The following SFXN5 variants were observed in gnomAD, a reference collection of about 807,000 sequenced individuals.
SFXN5 encodes the protein sideroflexin 5.
In SFXN5, 43 loss-of-function variants were observed where a neutral mutation model predicts 50.2. The observed-to-expected ratio is 0.86, with a 90% CI of 0.67 to 1.11. The LOEUF is 1.11. SFXN5 is among the 50% of genes least tolerant of loss of function. The probability of loss-of-function intolerance (pLI) is 0.00; values close to 1 mark genes in which losing one functional copy is unlikely to be tolerated. For synonymous variants in SFXN5, 203 were observed against 185.8 expected, an observed-to-expected ratio of 1.09 and a Z score of -0.75; for missense variants, 463 against 454.1, an observed-to-expected ratio of 1.02 and a Z score of -0.18.
chr2:73,035,493 CTTTTTTTTTTTT>C (rs761321478), intron 3 of SFXN5, among the ~76,000 whole-genome samples: 1 of 101,848 alleles, frequency 9.8e-6, no homozygotes, highest in Admixed American at 1.2e-4. Flanking sequence ...GTATCGCAAT[CTTTTTTTTTTTT>C]TTTTTTTTTT....
At position 72,961,151 on chromosome 2, in the gene SFXN5, G is replaced by A; in HGVS notation, c.925C>T (p.Leu309Phe). 1 of 1,585,056 alleles carries A rather than the reference G, an allele frequency of 6.3e-7. No homozygotes were observed. ...FGLALPLAIS[L>F]FPQMSEIETS... is the part of the protein sequence containing the mutation. The stretch of plus-strand genomic sequence containing the variant: ...CTGACCTCTGACATTTGCGGGAAGA[G>A]GCTGATGGCCAGCGGCAGGGCCAGG... The change falls in exon 13 of 14, where the codon CTC becomes TTC. Residue 309 changes from leucine to phenylalanine, a missense_variant. Leu to Phe is a conservative substitution (Grantham distance 22). Coordinates refer to ENST00000272433, the MANE Select transcript of SFXN5 (RefSeq NM_144579.3). The surrounding 1 kb of genome is among the most constrained non-coding windows in gnomAD (Gnocchi z 4.4).
intron 3 of SFXN5, among the ~76,000 whole-genome samples, chr2:73,026,144 T>C (rs965983668): frequency 4.0e-5 from 6 of 150,250 alleles, no homozygotes; most frequent in African/African-American, 1.5e-4. Context: ...TTTTCTTTTT[T>C]TGAGACAGAG....
At chr2:72,958,937 G>C (rs1673403442) in intron 13 of SFXN5, among the ~76,000 whole-genome samples, 1 of 152,084 alleles carries the variant, frequency 6.6e-6, no homozygotes, top group Admixed American at 6.5e-5. Flanking sequence ...CAAACTCTGG[G>C]GCTCTGGAAG....
At chr2:73,017,021 G>C (rs1437646486) in intron 6 of SFXN5, among the ~76,000 whole-genome samples, 3 of 152,154 alleles carry the variant, frequency 2.0e-5, no homozygotes, top group African/African-American at 7.2e-5. Flanking sequence ...CATTTCTCTA[G>C]CCTAGGAAAG....
intron 3 of SFXN5, among the ~76,000 whole-genome samples, chr2:73,033,950 C>A (rs116749595): frequency 6.6e-6 from 1 of 152,018 alleles, no homozygotes; most frequent in Non-Finnish European, 1.5e-5. Flanking sequence ...GGACAGCCCT[C>A]GCAAAAAAGA....
chr2:72,967,134 C>T (rs1232554034), intron 12 of SFXN5: 1 of 152,234 alleles, frequency 6.6e-6, no homozygotes, highest in Non-Finnish European at 1.5e-5. Context: ...TTCCTCTCCT[C>T]AGCTGTAGAA....
intron 6 of SFXN5, chr2:73,019,554 G>T (rs571030778): frequency 1.3e-5 from 2 of 150,426 alleles, no homozygotes; most frequent in African/African-American, 4.9e-5. Context: ...TCAGCCTTCC[G>T]AGTAGCTGGG....
chr2:73,013,672 C>T (rs1391270688), intron 6 of SFXN5, among the ~76,000 whole-genome samples: 6 of 151,700 alleles, frequency 4.0e-5, no homozygotes, highest in African/African-American at 7.3e-5. Context: ...ATACCTCTCT[C>T]GATATATTTA....
chr2:73,046,705 G>A (rs1680381182), intron 2 of SFXN5, among the ~76,000 whole-genome samples: 1 of 152,088 alleles, frequency 6.6e-6, no homozygotes, highest in Non-Finnish European at 1.5e-5. Context: ...AAAAGTGTAT[G>A]TTCAGTGTCA....
chr2:73,064,168 C>A (rs1683011176), intron 1 of SFXN5, among the ~76,000 whole-genome samples: 1 of 152,174 alleles, frequency 6.6e-6, no homozygotes, highest in Non-Finnish European at 1.5e-5. Flanking sequence ...GGGCAAAGAT[C>A]CCAGAAGAAG....
intron 12 of SFXN5, among the ~76,000 whole-genome samples, chr2:72,962,762 G>T (rs1322513599): frequency 6.6e-6 from 1 of 152,216 alleles, no homozygotes; most frequent in Non-Finnish European, 1.5e-5. Flanking sequence ...TTACCTGCGG[G>T]AAGGTAGGAT....
At chr2:73,066,693 T>A (rs1355021134) in intron 1 of SFXN5, among the ~76,000 whole-genome samples, 1 of 151,556 alleles carries the variant, frequency 6.6e-6, no homozygotes, top group Non-Finnish European at 1.5e-5. Flanking sequence ...AGCGACTGGT[T>A]ACTTGATGAT....
At chr2:73,062,571 G>A (rs934528540) in intron 1 of SFXN5, among the ~76,000 whole-genome samples, 1 of 152,128 alleles carries the variant, frequency 6.6e-6, no homozygotes, top group Non-Finnish European at 1.5e-5. Flanking sequence ...TTCGACCATA[G>A]CTACTGGGGG....
intron 2 of SFXN5, among the ~76,000 whole-genome samples, chr2:73,045,181 T>C (rs1680160960): frequency 6.6e-6 from 1 of 152,156 alleles, no homozygotes; most frequent in Non-Finnish European, 1.5e-5. Context: ...AGGTACTTCC[T>C]TGCCCAAGGT....
At chr2:73,021,718 C>G (rs1476829576) in intron 5 of SFXN5, among the ~76,000 whole-genome samples, 1 of 152,212 alleles carries the variant, frequency 6.6e-6, no homozygotes, top group Non-Finnish European at 1.5e-5. Flanking sequence ...AAGGCAGCAG[C>G]AGCAGTGCCC....
At chr2:73,071,491 AG>A in intron 1 of SFXN5, 112 bp downstream of exon 1, 1 of 942,592 alleles carries the variant, frequency 1.1e-6, no homozygotes. Flanking sequence ...CGCTAGCTGC[AG>A]GCTCCGCTGG....
chr2:72,988,410 G>A, intron 9 of SFXN5, 62 bp from the exon 10 acceptor site: 1 of 1,427,762 alleles, frequency 7.0e-7, no homozygotes. Flanking sequence ...CTTGTGGGAG[G>A]AGGGGGCAGA....
chr2:72,962,568 T>G (rs1422027578), intron 12 of SFXN5, among the ~76,000 whole-genome samples: 1 of 152,224 alleles, frequency 6.6e-6, no homozygotes, highest in African/African-American at 2.4e-5. Context: ...TAACCCTCCA[T>G]GAGTCTAAAA....
rs1321522460 is a variant in SFXN5 at position 72,942,073 on chromosome 2, G to A, written c.*2949C>T. On this transcript the variant is annotated 3_prime_UTR_variant, in exon 14 of 14. Coordinates refer to ENST00000272433, the MANE Select transcript of SFXN5 (RefSeq NM_144579.3). ...CGTATTTATTGCCCAAAGCTCATTA[G>A]TATTACACAAATCACATAGATTGAG... 6.6e-6 allele frequency: 1 copy of A among 152,194 alleles called. No homozygotes were observed. The highest frequency in any genetic ancestry group is 1.5e-5 in the Non-Finnish European group (1 of 68,046). The allele number at this position is 152,194 out of a possible 1,614,324, so 9.4% of individuals were successfully genotyped here.
Sources: allele counts gnomAD v4.1 joint callset (sites outside exome capture counted in the v4.1 genomes callset), GRCh38; gene constraint gnomAD v4.1.1; non-coding constraint Gnocchi (gnomAD v3.1); transcripts MANE v1.5; gene names NCBI Gene and HGNC (gene_info 2026-07-23, HGNC 2026-07-21).